Variants in SGCZ observed in about 807,000 individuals in gnomAD.
SGCZ encodes the protein zeta-sarcoglycan.
A neutral mutation model predicts 41.3 loss-of-function variants in SGCZ; 40 were observed. That is an observed-to-expected ratio of 0.97 (90% CI 0.75 to 1.26). SGCZ has a LOEUF of 1.26. Ranked by LOEUF, SGCZ falls within the 50% of genes most tolerant of loss-of-function variation. SGCZ has a pLI of 0.00. For missense variants in SGCZ, 552 were observed against 369.8 expected, an observed-to-expected ratio of 1.49 and a Z score of -4.04; for synonymous variants, 206 against 137.5, an observed-to-expected ratio of 1.50 and a Z score of -3.49.
At chr8:15,175,848 C>T (rs1288347139) in intron 1 of SGCZ, among the ~76,000 whole-genome samples, 1 of 151,972 alleles carries the variant, frequency 6.6e-6, no homozygotes, top group Admixed American at 6.6e-5. Flanking sequence ...AGGAAGATTG[C>T]AAAACCAAAG....
At chr8:15,236,878 G>A (rs990212294) in intron 1 of SGCZ, among the ~76,000 whole-genome samples, 1 of 152,094 alleles carries the variant, frequency 6.6e-6, no homozygotes, top group Admixed American at 6.5e-5. Flanking sequence ...CTCCGCAGAT[G>A]CCGCCCCTAC....
intron 1 of SGCZ, among the ~76,000 whole-genome samples, chr8:14,889,066 T>G (rs1804913205): frequency 6.6e-6 from 1 of 152,190 alleles, no homozygotes; most frequent in South Asian, 2.1e-4. Context: ...ATAACTTTCC[T>G]TAGAATGGTT....
chr8:14,339,671 A>T (rs1802633780), intron 2 of SGCZ, among the ~76,000 whole-genome samples: 1 of 152,228 alleles, frequency 6.6e-6, no homozygotes, highest in Admixed American at 6.5e-5. Flanking sequence ...TGCTGAGTAA[A>T]GTATAGTGCA....
At chr8:14,423,678 T>A (rs931252007) in intron 2 of SGCZ, among the ~76,000 whole-genome samples, 1 of 152,200 alleles carries the variant, frequency 6.6e-6, no homozygotes, top group East Asian at 1.9e-4. Context: ...CCTCCCAAAG[T>A]GCTGGTATTA....
intron 1 of SGCZ, among the ~76,000 whole-genome samples, chr8:14,726,531 T>C (rs1189622175): frequency 6.6e-6 from 1 of 151,724 alleles, no homozygotes; most frequent in Non-Finnish European, 1.5e-5. Flanking sequence ...AGAGGCACAG[T>C]ATTGGTTGAC....
chr8:15,205,638 G>A (rs189359617), intron 1 of SGCZ, among the ~76,000 whole-genome samples: 4 of 152,084 alleles, frequency 2.6e-5, no homozygotes, highest in South Asian at 2.1e-4. Flanking sequence ...AAAAGGGAAC[G>A]CGTATACACT....
chr8:14,671,266 C>T (rs918116100), intron 1 of SGCZ, among the ~76,000 whole-genome samples: 2 of 152,104 alleles, frequency 1.3e-5, no homozygotes, highest in Non-Finnish European at 2.9e-5. Flanking sequence ...TTTTTATGAC[C>T]TCTACTGGCT....
chr8:15,204,678 G>A (rs894368636), intron 1 of SGCZ, among the ~76,000 whole-genome samples: 1 of 152,114 alleles, frequency 6.6e-6, no homozygotes, highest in Non-Finnish European at 1.5e-5. Flanking sequence ...CCTGCCCTCT[G>A]TATAAAGCCC....
intron 4 of SGCZ, among the ~76,000 whole-genome samples, chr8:14,213,669 T>C (rs1479254136): frequency 1.3e-5 from 2 of 152,084 alleles, no homozygotes; most frequent in Non-Finnish European, 2.9e-5. Context: ...ATAGACCTCA[T>C]GAACCTTTTA....
chr8:14,601,601 G>A (rs1014857087), intron 1 of SGCZ, among the ~76,000 whole-genome samples: 3 of 152,164 alleles, frequency 2.0e-5, no homozygotes, highest in Non-Finnish European at 4.4e-5. Flanking sequence ...CAAGTTGGTA[G>A]TTGGTATTTG....
rs1249121952 is a variant in SGCZ, at chr8:14,090,513, T to G, written c.869A>C (p.Lys290Thr). Residue 290 changes from lysine to threonine, a missense_variant, in exon 8 of 8, where the codon AAA (lysine) becomes ACA (threonine). By Grantham distance (78) the Lys-to-Thr change is moderately conservative. Coordinates refer to ENST00000382080, the MANE Select transcript of SGCZ (RefSeq NM_139167.4). Reference protein sequence around the residue: ...VYELCVCPNGKLYLSPAGVGS... With the variant: ...VYELCVCPNGTLYLSPAGVGS... ...TACTCCTGCTGGAGAAAGGTAAAGT[T>G]TGCCATTGGGGCAGACGCAGAGTTC... 2 of 1,613,038 alleles carry G rather than the reference T, an allele frequency of 1.2e-6. No homozygotes were observed. Among genetic ancestry groups the G allele is most frequent in the East Asian group, 2.2e-5 (1 of 44,830 alleles).
At chr8:14,447,846 G>C (rs1453055644) in intron 2 of SGCZ, among the ~76,000 whole-genome samples, 3 of 152,056 alleles carry the variant, frequency 2.0e-5, no homozygotes, top group Non-Finnish European at 2.9e-5. Flanking sequence ...CCATCTCTTT[G>C]AGATGTCATA....
intron 1 of SGCZ, among the ~76,000 whole-genome samples, chr8:14,593,341 G>A (rs1367817045): frequency 6.6e-6 from 1 of 152,142 alleles, no homozygotes; most frequent in Non-Finnish European, 1.5e-5. Context: ...GACTTTAGAA[G>A]CTGAAAAAGG....
At chr8:14,303,282 G>A (rs1268485682) in intron 3 of SGCZ, among the ~76,000 whole-genome samples, 1 of 152,050 alleles carries the variant, frequency 6.6e-6, no homozygotes, top group East Asian at 1.9e-4. Flanking sequence ...AATAAAACTT[G>A]CATGAAATGA....
chr8:14,216,198 C>T (rs1486963055), intron 4 of SGCZ, among the ~76,000 whole-genome samples: 1 of 152,110 alleles, frequency 6.6e-6, no homozygotes, highest in East Asian at 1.9e-4. Context: ...CTTTACATCC[C>T]CTTGTTATCT....
At chr8:14,268,286 A>C (rs1799944724) in intron 3 of SGCZ, among the ~76,000 whole-genome samples, 2 of 149,608 alleles carry the variant, frequency 1.3e-5, no homozygotes, top group African/African-American at 2.4e-5. Flanking sequence ...CCCAGGATAC[A>C]TATACATATA....
chr8:14,259,282 AC>A (rs1480098879), intron 3 of SGCZ, among the ~76,000 whole-genome samples: 1 of 152,180 alleles, frequency 6.6e-6, no homozygotes, highest in Admixed American at 6.5e-5. Flanking sequence ...CCTTTAGAAA[AC>A]AAAAACACTA....
intron 1 of SGCZ, among the ~76,000 whole-genome samples, chr8:14,842,520 G>T (rs1228145140): frequency 6.6e-6 from 1 of 150,608 alleles, no homozygotes; most frequent in Non-Finnish European, 1.5e-5. Flanking sequence ...AAGGAAGGAA[G>T]GAAAGAAAAG....
At chr8:14,140,108 G>C (rs575801529) in intron 5 of SGCZ, among the ~76,000 whole-genome samples, 1 of 152,066 alleles carries the variant, frequency 6.6e-6, no homozygotes, top group African/African-American at 2.4e-5. Flanking sequence ...AAATACCTTC[G>C]ACAAAATTCA....
Sources: gnomAD v4.1 joint callset for allele counts (sites outside exome capture counted in the v4.1 genomes callset) on GRCh38, gnomAD v4.1.1 for gene constraint, MANE v1.5 for transcripts, NCBI Gene and HGNC (gene_info 2026-07-23, HGNC 2026-07-21) for gene names.